The following ZBTB7C variants were observed in gnomAD, a reference collection of about 807,000 sequenced individuals.
ZBTB7C encodes the protein zinc finger and BTB domain-containing protein 7C.
ZBTB7C carries 8 observed loss-of-function variants against 25.7 expected under a neutral mutation model. That is an observed-to-expected ratio of 0.31 (90% CI 0.18 to 0.56). ZBTB7C has a LOEUF of 0.56. Among genes scored for constraint, ZBTB7C ranks in the 20% least tolerant of loss-of-function variants. ZBTB7C has a pLI of 0.91. For missense variants in ZBTB7C, 824 were observed against 855.2 expected, an observed-to-expected ratio of 0.96 and a Z score of 0.46; for synonymous variants, 394 against 369.0, an observed-to-expected ratio of 1.07 and a Z score of -0.78.
chr18:48,124,458 C>T (rs111499760), intron 3 of ZBTB7C, among the ~76,000 whole-genome samples: 2 of 152,316 alleles, frequency 1.3e-5, no homozygotes, highest in East Asian at 3.9e-4. Context: ...GCTTTTACTA[C>T]TCAGTTATTG....
chr18:48,184,042 G>A (rs1203103228), intron 3 of ZBTB7C, among the ~76,000 whole-genome samples: 1 of 152,160 alleles, frequency 6.6e-6, no homozygotes, highest in African/African-American at 2.4e-5. Flanking sequence ...TCAGTCACCA[G>A]TGGCTCAAAA....
chr18:48,361,941 C>G (rs755627110), intron 1 of ZBTB7C, among the ~76,000 whole-genome samples: 45 of 152,326 alleles, frequency 3.0e-4, no homozygotes, highest in Middle Eastern at 3.4e-3. Flanking sequence ...AGGGGAACTG[C>G]CTCCCCTCGT....
chr18:48,191,541 G>T (rs2042195780), intron 2 of ZBTB7C, among the ~76,000 whole-genome samples: 2 of 152,372 alleles, frequency 1.3e-5, no homozygotes, highest in Non-Finnish European at 2.9e-5. Context: ...ATGGTGGCGG[G>T]TGGAGGACAC....
chr18:48,165,114 AT>A, intron 3 of ZBTB7C: 1 of 1,289,178 alleles, frequency 7.8e-7, no homozygotes, highest in Non-Finnish European at 1.0e-6. Flanking sequence ...AAATCCCAGC[AT>A]TACAGGGACA....
At chr18:48,311,008 A>G (rs1320216303) in intron 2 of ZBTB7C, among the ~76,000 whole-genome samples, 1 of 152,174 alleles carries the variant, frequency 6.6e-6, no homozygotes, top group African/African-American at 2.4e-5. Flanking sequence ...GTCTTTGCTC[A>G]CCATTCCCAG....
intron 2 of ZBTB7C, among the ~76,000 whole-genome samples, chr18:48,194,970 G>A (rs1290988494): frequency 6.6e-6 from 1 of 152,096 alleles, no homozygotes; most frequent in Non-Finnish European, 1.5e-5. Context: ...CCAGCTCTGG[G>A]AAACTCAGCC....
intron 3 of ZBTB7C, among the ~76,000 whole-genome samples, chr18:48,110,345 G>C (rs1337254469): frequency 6.6e-6 from 1 of 152,020 alleles, no homozygotes; most frequent in East Asian, 1.9e-4. Context: ...CTGGTTCAAA[G>C]AGCCGCACTC....
chr18:48,156,608 G>A (rs1051783175), intron 3 of ZBTB7C, among the ~76,000 whole-genome samples: 5 of 152,150 alleles, frequency 3.3e-5, no homozygotes, highest in African/African-American at 9.7e-5. Context: ...AGCTACTATC[G>A]TTGATCAAAG....
At chr18:48,367,188 TATATATATATATATAC>T (rs1354501131) in intron 1 of ZBTB7C, among the ~76,000 whole-genome samples, 2 of 27,688 alleles carry the variant, frequency 7.2e-5, no homozygotes, top group East Asian at 2.6e-3. Context: ...TATATATATA[TATATATATATATATAC>T]ACACACACAC....
At chr18:48,150,506 C>T (rs975413225) in intron 3 of ZBTB7C, 21 of 148,580 alleles carry the variant, frequency 1.4e-4, no homozygotes, top group African/African-American at 4.2e-4. Context: ...CGCTTTAACC[C>T]GGGAGGCGGA....
intron 3 of ZBTB7C, among the ~76,000 whole-genome samples, chr18:48,155,318 CTTTTTTTTT>C (rs578058729): frequency 1.3e-5 from 1 of 78,006 alleles, no homozygotes; most frequent in Non-Finnish European, 2.3e-5. Flanking sequence ...CTGTAATATT[CTTTTTTTTT>C]TTTTTTTTTT....
intron 2 of ZBTB7C, among the ~76,000 whole-genome samples, chr18:48,274,404 G>C (rs536667283): frequency 6.6e-6 from 1 of 152,268 alleles, no homozygotes; most frequent in Admixed American, 6.5e-5. Flanking sequence ...GTTCACAAAA[G>C]CACTATGTCC....
chr18:48,120,087 T>C (rs8084118), intron 3 of ZBTB7C, among the ~76,000 whole-genome samples: 23,527 of 152,204 alleles, frequency 0.15, 1,948 homozygotes, highest in South Asian at 0.23. Context: ...GCTGCTGCTC[T>C]CTGGGTACAG....
chr18:48,182,334 T>C (rs2041949208), intron 3 of ZBTB7C, among the ~76,000 whole-genome samples: 2 of 152,122 alleles, frequency 1.3e-5, no homozygotes, highest in South Asian at 4.1e-4. Context: ...GAGAAAAACA[T>C]ATCTGCCAGG....
intron 2 of ZBTB7C, among the ~76,000 whole-genome samples, chr18:48,193,780 G>A (rs947051426): frequency 5.3e-5 from 8 of 152,198 alleles, no homozygotes; most frequent in African/African-American, 1.2e-4. Context: ...ATCCTGCCTC[G>A]TCAGTGTGGA....
chr18:48,404,144 C>T (rs2048224397), intron 1 of ZBTB7C, among the ~76,000 whole-genome samples: 1 of 152,084 alleles, frequency 6.6e-6, no homozygotes, highest in East Asian at 1.9e-4. Context: ...CCCAGCTATT[C>T]AGGAAGCTGA....
chr18:48,052,029 G>T (rs770091883), intron 3 of ZBTB7C, among the ~76,000 whole-genome samples: 1 of 152,188 alleles, frequency 6.6e-6, no homozygotes, highest in Non-Finnish European at 1.5e-5. Flanking sequence ...GATTTCCTGA[G>T]CCAGAAAACT....
upstream of ZBTB7C, among the ~76,000 whole-genome samples, chr18:48,412,300 A>C (rs1468427050): frequency 1.3e-5 from 2 of 152,218 alleles, no homozygotes; most frequent in African/African-American, 4.8e-5. Context: ...ATGTTGAAAG[A>C]CTGATTCAAG....
chr18:48,166,714 G>T (rs993146499), intron 3 of ZBTB7C, among the ~76,000 whole-genome samples: 15 of 152,160 alleles, frequency 9.9e-5, no homozygotes, highest in Non-Finnish European at 2.1e-4. Context: ...AGCGTCCAGG[G>T]GCCTGGGCAC....
Sources: gnomAD v4.1 joint callset for allele counts (sites outside exome capture counted in the v4.1 genomes callset) on GRCh38, gnomAD v4.1.1 for gene constraint, MANE v1.5 for transcripts, NCBI Gene and HGNC (gene_info 2026-07-23, HGNC 2026-07-21) for gene names.